Variants in NLGN1 observed in about 807,000 individuals in gnomAD.
NLGN1 encodes neuroligin 1.
A neutral mutation model predicts 65.5 loss-of-function variants in NLGN1; 12 were observed. The ratio of observed to expected loss-of-function variants is 0.18; its 90% CI spans 0.12 to 0.30. The LOEUF (loss-of-function observed/expected upper bound fraction) is 0.30. Among genes scored for constraint, NLGN1 ranks in the 10% least tolerant of loss-of-function variants. The pLI is 1.00. For missense variants in NLGN1, 750 were observed against 1,007.1 expected (o/e 0.74, Z 3.46); for synonymous variants, 350 against 359.5 (o/e 0.97, Z 0.30).
At chr3:173,843,304 C>G (rs1384858845) in intron 4 of NLGN1, among the ~76,000 whole-genome samples, 1 of 151,950 alleles carries the variant, frequency 6.6e-6, no homozygotes, top group Non-Finnish European at 1.5e-5. Context: ...TGACGTGCCC[C>G]GAAGACATTT....
chr3:173,666,553 A>G (rs546954011), intron 3 of NLGN1, among the ~76,000 whole-genome samples: 92 of 152,168 alleles, frequency 6.0e-4, no homozygotes, highest in Admixed American at 9.2e-4. Flanking sequence ...AGGATGTCAG[A>G]GTTTAAGGAT....
At chr3:174,256,627 T>C (rs1183364684) in intron 4 of NLGN1, among the ~76,000 whole-genome samples, 1 of 152,158 alleles carries the variant, frequency 6.6e-6, no homozygotes. Flanking sequence ...TTCTAGATTG[T>C]GGTTTTACCC....
chr3:173,692,661 A>G (rs1358787832), intron 3 of NLGN1, among the ~76,000 whole-genome samples: 1 of 152,086 alleles, frequency 6.6e-6, no homozygotes, highest in African/African-American at 2.4e-5. Context: ...ATTTGGAAGT[A>G]CGCAGAAGGC....
intron 4 of NLGN1, among the ~76,000 whole-genome samples, chr3:173,995,828 C>G (rs553437382): frequency 6.6e-6 from 1 of 151,616 alleles, no homozygotes; most frequent in South Asian, 2.1e-4. Context: ...CTGGGACTCC[C>G]GGTGCACATA....
intron 3 of NLGN1, among the ~76,000 whole-genome samples, chr3:173,722,285 T>C (rs1011090890): frequency 1.4e-5 from 2 of 139,466 alleles, no homozygotes; most frequent in Admixed American, 7.7e-5. Context: ...GCTCTGTTGC[T>C]CAGGCTGGAG....
intron 3 of NLGN1, among the ~76,000 whole-genome samples, chr3:173,738,304 G>A (rs939860451): frequency 2.0e-5 from 3 of 151,784 alleles, no homozygotes; most frequent in Non-Finnish European, 4.4e-5. Flanking sequence ...TTGGTGTCAT[G>A]TTTAAAAATG....
chr3:173,479,785 C>A (rs999724248), intron 2 of NLGN1, among the ~76,000 whole-genome samples: 3 of 151,902 alleles, frequency 2.0e-5, no homozygotes, highest in Admixed American at 1.3e-4. Context: ...CTTATATGAA[C>A]AATATGAACA....
chr3:173,723,179 A>C lies in NLGN1; in HGVS notation c.494-84501A>C, dbSNP rs529240485. Among the ~76,000 whole-genome samples the C allele has an allele frequency of 6.8e-4, 104 of 152,336 alleles. No individual in the cohort carries two copies. The South Asian group carries it at 0.013, about 19-fold the overall frequency. On this transcript the variant is annotated intron_variant, in intron 3 of 6. Coordinates refer to ENST00000457714, the Ensembl canonical transcript of NLGN1. ...TGAGCAAAGGGGAGAATTTTCAGAAATAAATTTAGAAAGATGTCAAGAGGG... is the reference window on the plus strand; with the variant it reads ...TGAGCAAAGGGGAGAATTTTCAGAACTAAATTTAGAAAGATGTCAAGAGGG...
At chr3:173,789,231 A>AGAAG (rs1231412486) in intron 3 of NLGN1, among the ~76,000 whole-genome samples, 16 of 152,084 alleles carry the variant, frequency 1.1e-4, no homozygotes, top group East Asian at 1.9e-4. Flanking sequence ...AGAGAAAGAA[A>AGAAG]GAAGGAAGGA....
chr3:174,259,135 A>G (rs1746356061), intron 4 of NLGN1, among the ~76,000 whole-genome samples: 1 of 152,168 alleles, frequency 6.6e-6, no homozygotes, highest in Non-Finnish European at 1.5e-5. Flanking sequence ...ATTAGAAATA[A>G]AATATGGAAA....
At position 174,201,216 on chromosome 3, in the gene NLGN1, C is replaced by G. The variant is rs529300590; in HGVS notation, c.647-74099C>G. ...TGTGATTGCACCACTGCACTCCAGCCTGAGCTACAGAGTAAAACCCTCTTT... is the reference window on the plus strand; with the variant it reads ...TGTGATTGCACCACTGCACTCCAGCGTGAGCTACAGAGTAAAACCCTCTTT... On this transcript the variant is annotated intron_variant, in intron 4 of 6. Coordinates refer to ENST00000457714, the Ensembl canonical transcript of NLGN1. 2.0e-5 allele frequency among the ~76,000 whole-genome samples: 3 copies of G among 150,990 alleles called. No individual in the cohort carries two copies. The East Asian group carries it at 5.9e-4, about 30-fold the overall frequency.
At chr3:173,852,814 A>G (rs1194951547) in intron 4 of NLGN1, among the ~76,000 whole-genome samples, 1 of 152,214 alleles carries the variant, frequency 6.6e-6, no homozygotes, top group African/African-American at 2.4e-5. Flanking sequence ...TATTCTTAAA[A>G]TGATCAATAA....
At chr3:173,840,535 C>T (rs1413709148) in intron 4 of NLGN1, among the ~76,000 whole-genome samples, 1 of 152,126 alleles carries the variant, frequency 6.6e-6, no homozygotes, top group African/African-American at 2.4e-5. Flanking sequence ...GTAATTTTAA[C>T]AAGGATGCTA....
chr3:173,567,607 T>G (rs1191758491), intron 2 of NLGN1, among the ~76,000 whole-genome samples: 2 of 151,366 alleles, frequency 1.3e-5, no homozygotes, highest in Non-Finnish European at 3.0e-5. Context: ...TTTACTGTAT[T>G]TTTATATAAT....
At chr3:173,691,183 A>G (rs552270226) in intron 3 of NLGN1, among the ~76,000 whole-genome samples, 16 of 152,146 alleles carry the variant, frequency 1.1e-4, no homozygotes, top group Non-Finnish European at 1.8e-4. Flanking sequence ...TCCTTTGCTC[A>G]TGCTGTTTTC....
At chr3:173,969,528 C>A (rs1715706871) in intron 4 of NLGN1, among the ~76,000 whole-genome samples, 1 of 152,004 alleles carries the variant, frequency 6.6e-6, no homozygotes, top group African/African-American at 2.4e-5. Context: ...TAAATTAATA[C>A]ATTGACAACA....
At chr3:173,969,526 TACATTGACA>T (rs1461817112) in intron 4 of NLGN1, among the ~76,000 whole-genome samples, 1 of 152,134 alleles carries the variant, frequency 6.6e-6, no homozygotes, top group Non-Finnish European at 1.5e-5. Flanking sequence ...ACTAAATTAA[TACATTGACA>T]ACATATATAA....
At chr3:173,550,162 T>C (rs1288733225) in intron 2 of NLGN1, among the ~76,000 whole-genome samples, 3 of 152,100 alleles carry the variant, frequency 2.0e-5, no homozygotes, top group African/African-American at 7.2e-5. Flanking sequence ...AATTTTTCTT[T>C]AGCAATCTTA....
chr3:174,221,654 A>C lies in NLGN1; in HGVS notation c.647-53661A>C, dbSNP rs1279090202. ...CATATGAGTTTCCTAGGGCTGCTGT[A>C]ACAAATTGGGTTGCTTAAACAAGAG... On this transcript the variant is annotated intron_variant, in intron 4 of 6. Transcript: ENST00000457714. Among the ~76,000 whole-genome samples, 4 of 151,612 alleles carry C rather than the reference A, an allele frequency of 2.6e-5. No individual in the cohort carries two copies. In the East Asian group the frequency reaches 7.7e-4, roughly 29 times the overall value.
Sources: allele counts gnomAD v4.1 joint callset (sites outside exome capture counted in the v4.1 genomes callset), GRCh38; gene constraint gnomAD v4.1.1; transcripts MANE v1.5; gene names NCBI Gene and HGNC (gene_info 2026-07-23, HGNC 2026-07-21).